The following GFPT2 variants were observed in gnomAD, a reference collection of about 807,000 sequenced individuals.
GFPT2 encodes the protein glutamine--fructose-6-phosphate transaminase 2, also known as glutamine--fructose-6-phosphate aminotransferase [isomerizing] 2.
Under a neutral mutation model 85.6 loss-of-function variants are expected in GFPT2, and 62 were observed. The observed-to-expected ratio is 0.72, with a 90% CI of 0.59 to 0.90. The LOEUF is 0.90. Among genes scored for constraint, GFPT2 ranks in the 40% least tolerant of loss-of-function variants. The pLI, the probability that GFPT2 is intolerant of heterozygous loss-of-function variation, is 0.00. For synonymous variants in GFPT2, 368 were observed against 344.5 expected, an observed-to-expected ratio of 1.07 and a Z score of -0.75; for missense variants, 788 against 893.4, an observed-to-expected ratio of 0.88 and a Z score of 1.50.
intron 9 of GFPT2, 115 bp downstream of exon 9, chr5:180,324,073 C>A (rs544561334): frequency 2.8e-6 from 2 of 709,796 alleles, no homozygotes; most frequent in Non-Finnish European, 5.0e-6. Context: ...TTTGGCCCTG[C>A]GACTTGCTGA....
intron 14 of GFPT2, 21 bp downstream of exon 14, chr5:180,313,786 G>C: frequency 6.5e-7 from 1 of 1,533,386 alleles, no homozygotes; most frequent in African/African-American, 1.4e-5. Context: ...CCCTGGGACG[G>C]GCGCCCGTGG....
chr5:180,304,085 A>G (rs1763732372), intron 17 of GFPT2, among the ~76,000 whole-genome samples: 1 of 152,056 alleles, frequency 6.6e-6, no homozygotes, highest in South Asian at 2.1e-4. Flanking sequence ...TGGACACTGG[A>G]GCTAGCAGCT....
Position 180,313,918 on chromosome 5 carries a change from G to C in GFPT2, c.1320C>G (p.Arg440=), listed in dbSNP as rs757240985. Reference sequence around the variant, plus strand: ...TGGTGACGCCCACGGTGAGAGCGCCGCGGTCCTTACAGTAGCGCAGCGCCA... The same window carrying C: ...TGGTGACGCCCACGGTGAGAGCGCCCCGGTCCTTACAGTAGCGCAGCGCCA... The part of the protein sequence containing the change: ...TLLALRYCKD[R]GALTVGVTNT... Residue 440 remains arginine (R), a synonymous_variant, in exon 14 of 19, where the codon CGC becomes CGG. Transcript: ENST00000253778. The C allele has an allele frequency of 3.1e-6, 5 of 1,605,504 alleles. No homozygotes were observed. In the African/African-American group the frequency reaches 6.7e-5, roughly 21 times the overall value.
intron 13 of GFPT2, among the ~76,000 whole-genome samples, chr5:180,314,655 G>A (rs1763966812): frequency 6.6e-6 from 1 of 152,180 alleles, no homozygotes; most frequent in Admixed American, 6.5e-5. Context: ...CAGCTTTGCA[G>A]GGCAGGCAGG....
chr5:180,323,422 A>G lies in GFPT2; in HGVS notation c.794+766T>C, dbSNP rs1409998606. 6.6e-6 allele frequency among the ~76,000 whole-genome samples: 1 copy of G among 152,202 alleles called. No homozygotes were observed. The highest frequency in any genetic ancestry group is 1.5e-5 in the Non-Finnish European group (1 of 68,028). On this transcript the variant is annotated intron_variant, in intron 9 of 18. Transcript: ENST00000253778. This position sits in a 1 kb window ranked among gnomAD's most constrained non-coding sequence, Gnocchi z 4.0. ...TGGTCGGGAAAGAGAAAACCCATCA[A>G]GAATGGAAACATAACAAAGGCCCAA...
In GFPT2 at chr5:180,313,962, C is replaced by T; in HGVS notation, c.1276G>A (p.Glu426Lys). Reference sequence around the variant, plus strand: ...AGCGCCAGGAGGGTGTCCGCGGTCTCGCCTGCCGCCCAGGGGCCCTCTCAG... The same window carrying T: ...AGCGCCAGGAGGGTGTCCGCGGTCTTGCCTGCCGCCCAGGGGCCCTCTCAG... ...DVCFFISQSG[E>K]TADTLLALRY... Residue 426 changes from glutamate (E) to lysine (K), a missense_variant and splice_region_variant, in exon 14 of 19, where the codon GAG becomes AAG. Coordinates refer to ENST00000253778, the MANE Select transcript of GFPT2 (RefSeq NM_005110.4). The T allele has an allele frequency of 6.3e-7, 1 of 1,594,046 alleles. No individual in the cohort carries two copies. The highest frequency in any genetic ancestry group is 8.5e-7 in the Non-Finnish European group (1 of 1,176,574).
intron 1 of GFPT2, among the ~76,000 whole-genome samples, chr5:180,341,384 A>G (rs902474644): frequency 6.6e-6 from 1 of 152,250 alleles, no homozygotes; most frequent in African/African-American, 2.4e-5. Flanking sequence ...TAAGAAGATC[A>G]GATTCATGTC....
At chr5:180,335,280 G>C (rs1764373186) in intron 4 of GFPT2, among the ~76,000 whole-genome samples, 1 of 152,234 alleles carries the variant, frequency 6.6e-6, no homozygotes, top group Non-Finnish European at 1.5e-5. Context: ...TGGGCTTCGG[G>C]CTGCGGCCCC....
intron 2 of GFPT2, 92 bp from the exon 3 acceptor site, chr5:180,336,669 C>G (rs971409521): frequency 3.7e-5 from 31 of 836,184 alleles, no homozygotes; most frequent in Non-Finnish European, 2.1e-6. Flanking sequence ...CTGCATGCCC[C>G]GGGCTGTCCG....
intron 17 of GFPT2, among the ~76,000 whole-genome samples, chr5:180,304,029 T>A (rs1011692223): frequency 1.7e-4 from 26 of 152,064 alleles, no homozygotes; most frequent in Non-Finnish European, 1.0e-4. Flanking sequence ...ACATGGCCAA[T>A]GGTTCACTCC....
chr5:180,338,488 C>G lies in GFPT2; in HGVS notation c.115+5G>C, dbSNP rs1360523046. ...CAGCCACGAGGCGGGCGGCCGCACA[C>G]CCACCTGCCGAGTCGTAGCCTCTGT... On this transcript the variant is annotated splice_donor_5th_base_variant and intron_variant, in intron 2 of 18. Transcript: ENST00000253778. 6.4e-7 allele frequency: 1 copy of G among 1,559,560 alleles called. No individual in the cohort carries two copies. The highest frequency in any genetic ancestry group is 8.8e-7 in the Non-Finnish European group (1 of 1,131,956).
intron 1 of GFPT2, chr5:180,352,888 G>T: frequency 2.2e-6 from 1 of 451,938 alleles, no homozygotes; most frequent in Non-Finnish European, 3.9e-6. Context: ...ATGGGGTGGG[G>T]ACCCCTCTGT....
At chr5:180,316,940 T>C in intron 11 of GFPT2, 23 bp downstream of exon 11, 1 of 1,558,884 alleles carries the variant, frequency 6.4e-7, no homozygotes, top group Non-Finnish European at 8.9e-7. Flanking sequence ...GGGCGGAGGC[T>C]CCCCACCGAG....
intron 1 of GFPT2, among the ~76,000 whole-genome samples, chr5:180,352,194 T>A (rs1415407658): frequency 6.6e-6 from 1 of 151,734 alleles, no homozygotes; most frequent in Non-Finnish European, 1.5e-5. Context: ...ACAAGAGGCC[T>A]GCACAGACCT....
intron 17 of GFPT2, 131 bp downstream of exon 17, chr5:180,304,641 G>T: frequency 1.2e-6 from 1 of 835,888 alleles, no homozygotes; most frequent in East Asian, 2.4e-5. Context: ...CAGGCGGCCC[G>T]GGGGAGGGTG....
intron 4 of GFPT2, 145 bp from the exon 5 acceptor site, chr5:180,331,698 A>G: frequency 1.5e-6 from 1 of 668,108 alleles, no homozygotes; most frequent in Non-Finnish European, 2.7e-6. Context: ...AGTGATTAGC[A>G]CAGATGTTTA....
chr5:180,304,259 GT>G (rs1312760272), intron 17 of GFPT2, among the ~76,000 whole-genome samples: 1 of 152,226 alleles, frequency 6.6e-6, no homozygotes, highest in Non-Finnish European at 1.5e-5. Flanking sequence ...CATCTCCTGA[GT>G]TCTATGGGTC....
chr5:180,346,678 C>G (rs539541602), intron 1 of GFPT2, among the ~76,000 whole-genome samples: 1 of 152,236 alleles, frequency 6.6e-6, no homozygotes, highest in Admixed American at 6.5e-5. Context: ...GCCCCTGGGG[C>G]CCCCAGGCCT....
At position 180,328,071 on chromosome 5, in the gene GFPT2, C is replaced by CT. The variant is rs78612231; in HGVS notation, c.596+205dup. On this transcript the variant is annotated intron_variant, in intron 7 of 18. Coordinates refer to ENST00000253778, the MANE Select transcript of GFPT2 (RefSeq NM_005110.4). This position sits in a 1 kb window ranked among gnomAD's most constrained non-coding sequence, Gnocchi z 5.4. ...AAACACAAATCCAACTTTCTGGTTT[C>CT]TTTTTTTTTTTTTTTAATTCAGAAG... Among the ~76,000 whole-genome samples the CT allele has an allele frequency of 7.4e-3, 1,060 of 143,254 alleles. 22 individuals are homozygous for CT. The highest frequency in any genetic ancestry group is 0.051 in the South Asian group (226 of 4,412). The allele number at this position is 143,254 out of a possible 152,430, so 94.0% of individuals were successfully genotyped here. A position where few individuals can be genotyped will look rare whatever the true frequency, so the allele number is the denominator to read the frequency against.
Sources: allele counts gnomAD v4.1 joint callset (sites outside exome capture counted in the v4.1 genomes callset), GRCh38; gene constraint gnomAD v4.1.1; non-coding constraint Gnocchi (gnomAD v3.1); transcripts MANE v1.5; gene names NCBI Gene and HGNC (gene_info 2026-07-23, HGNC 2026-07-21).